The following DGKB variants were observed in gnomAD, a reference collection of about 807,000 sequenced individuals.
The protein encoded by DGKB is diacylglycerol kinase beta.
A neutral mutation model predicts 114.3 loss-of-function variants in DGKB; 67 were observed. The ratio of observed to expected loss-of-function variants is 0.59; its 90% CI spans 0.48 to 0.72. DGKB has a LOEUF of 0.72. Ranked by LOEUF, DGKB falls within the 30% of genes least tolerant of loss-of-function variation. The pLI is 0.00. For missense variants in DGKB, 907 were observed against 975.2 expected (o/e 0.93, Z 0.93); for synonymous variants, 398 against 323.1 (o/e 1.23, Z -2.49).
intron 1 of DGKB, among the ~76,000 whole-genome samples, chr7:14,939,621 CTTTTTTTTTT>C (rs60427374): frequency 7.1e-5 from 6 of 84,146 alleles, no homozygotes; most frequent in Admixed American, 4.7e-4. Context: ...AAATATAATA[CTTTTTTTTTT>C]TTTTTTTTTT....
chr7:14,337,747 T>C (rs981189222), intron 23 of DGKB, among the ~76,000 whole-genome samples: 2 of 152,168 alleles, frequency 1.3e-5, no homozygotes, highest in Non-Finnish European at 2.9e-5. Context: ...ATGTCATCAG[T>C]AGTATTAGGT....
intron 14 of DGKB, among the ~76,000 whole-genome samples, chr7:14,622,904 A>T (rs1225372586): frequency 1.3e-5 from 2 of 152,182 alleles, no homozygotes; most frequent in Non-Finnish European, 2.9e-5. Context: ...TGACTTCAGG[A>T]TGTGGTCAAA....
intron 1 of DGKB, among the ~76,000 whole-genome samples, chr7:14,929,875 A>G (rs1784918362): frequency 6.6e-6 from 1 of 152,082 alleles, no homozygotes; most frequent in African/African-American, 2.4e-5. Flanking sequence ...TAAGTCTTTA[A>G]TCCATTTTGA....
intron 23 of DGKB, among the ~76,000 whole-genome samples, chr7:14,188,470 C>T (rs1423360490): frequency 8.2e-6 from 1 of 122,638 alleles, no homozygotes; most frequent in Non-Finnish European, 1.8e-5. Flanking sequence ...ACCATCCCGG[C>T]TAAAACGGTG....
chr7:14,383,047 T>G lies in DGKB; in HGVS notation c.1836-37656A>C, dbSNP rs62444597. ...TATTTTGACAGTTTTGAACAAGAAC[T>G]TCCTTCTCCTTTTCTTTTGGAGTAC... On this transcript the variant is annotated intron_variant, in intron 21 of 25. Transcript: ENST00000402815. 6.6e-3 allele frequency among the ~76,000 whole-genome samples: 1,001 copies of G among 152,340 alleles called. 6 individuals carry two copies. The highest frequency in any genetic ancestry group is 0.017 in the Middle Eastern group (5 of 294).
At chr7:14,925,711 T>C (rs1182011270) in intron 1 of DGKB, among the ~76,000 whole-genome samples, 6 of 152,178 alleles carry the variant, frequency 3.9e-5, no homozygotes, top group African/African-American at 7.2e-5. Flanking sequence ...ATAATTAGTA[T>C]ATACAAATGC....
intron 13 of DGKB, among the ~76,000 whole-genome samples, chr7:14,665,464 C>T (rs985230007): frequency 5.9e-5 from 9 of 151,800 alleles, no homozygotes; most frequent in South Asian, 2.1e-4. Flanking sequence ...AACAAGCCCC[C>T]GTGACACAAG....
intron 2 of DGKB, among the ~76,000 whole-genome samples, chr7:14,817,052 T>C (rs1258117678): frequency 2.6e-5 from 4 of 152,200 alleles, no homozygotes; most frequent in Admixed American, 1.3e-4. Flanking sequence ...CCAGTTCCAG[T>C]TTTTGAGATT....
chr7:14,553,782 C>T (rs755267201), intron 20 of DGKB, among the ~76,000 whole-genome samples: 8 of 150,050 alleles, frequency 5.3e-5, no homozygotes, highest in Non-Finnish European at 1.0e-4. Context: ...TCCTCACATG[C>T]TGGAGGTATA....
chr7:14,594,163 C>T (rs1324603039), intron 17 of DGKB, among the ~76,000 whole-genome samples: 3 of 151,950 alleles, frequency 2.0e-5, no homozygotes, highest in South Asian at 2.1e-4. Context: ...CCTTTTAAAA[C>T]GCCATTTTCT....
At chr7:14,936,214 G>A in intron 1 of DGKB, among the ~76,000 whole-genome samples, 1 of 152,192 alleles carries the variant, frequency 6.6e-6, no homozygotes, top group East Asian at 1.9e-4. Context: ...ACGTAGAAAA[G>A]TGATGAAGAA....
chr7:14,769,078 A>C, intron 2 of DGKB, among the ~76,000 whole-genome samples: 1 of 101,516 alleles, frequency 9.9e-6, no homozygotes, highest in Non-Finnish European at 1.8e-5. Flanking sequence ...GATAAGAAAG[A>C]AAGAAAGAAA....
At chr7:14,766,112 A>T (rs887192543) in intron 2 of DGKB, among the ~76,000 whole-genome samples, 1 of 152,010 alleles carries the variant, frequency 6.6e-6, no homozygotes, top group African/African-American at 2.4e-5. Context: ...CGGAAATAAA[A>T]AGCCTGCAGC....
At chr7:14,219,623 A>C (rs1789589616) in intron 23 of DGKB, among the ~76,000 whole-genome samples, 2 of 151,740 alleles carry the variant, frequency 1.3e-5, no homozygotes, top group African/African-American at 2.4e-5. Context: ...GCCATGCTGT[A>C]ATTGGGCTAT....
intron 13 of DGKB, among the ~76,000 whole-genome samples, chr7:14,643,934 G>A (rs1013539103): frequency 3.3e-5 from 5 of 152,072 alleles, no homozygotes; most frequent in African/African-American, 1.2e-4. Context: ...CACCATTTAG[G>A]AGCCAGAGGA....
chr7:14,552,687 G>A (rs1328358269), intron 20 of DGKB, among the ~76,000 whole-genome samples: 2 of 152,166 alleles, frequency 1.3e-5, no homozygotes, highest in Non-Finnish European at 2.9e-5. Flanking sequence ...CCATGAATTT[G>A]ACTACACTTT....
At chr7:14,257,523 G>C (rs1177117271) in intron 23 of DGKB, among the ~76,000 whole-genome samples, 3 of 152,058 alleles carry the variant, frequency 2.0e-5, no homozygotes, top group Admixed American at 6.6e-5. Flanking sequence ...ATGGTGGGAG[G>C]TAATTGAATC....
intron 23 of DGKB, among the ~76,000 whole-genome samples, chr7:14,224,819 C>T (rs1035082625): frequency 7.2e-5 from 11 of 152,028 alleles, no homozygotes; most frequent in Non-Finnish European, 1.2e-4. Context: ...CTTTGACTAT[C>T]TCTTTCTTTG....
chr7:14,522,168 C>T (rs1789891504), intron 20 of DGKB, among the ~76,000 whole-genome samples: 1 of 152,032 alleles, frequency 6.6e-6, no homozygotes, highest in African/African-American at 2.4e-5. Context: ...ATATATGTGG[C>T]CTAAACAGAA....
Sources: gnomAD v4.1 joint callset for allele counts (sites outside exome capture counted in the v4.1 genomes callset) on GRCh38, gnomAD v4.1.1 for gene constraint, MANE v1.5 for transcripts, NCBI Gene and HGNC (gene_info 2026-07-23, HGNC 2026-07-21) for gene names.